PTPRD: variants seen among roughly 807,000 people sequenced by gnomAD.
PTPRD encodes the protein receptor-type tyrosine-protein phosphatase delta.
In PTPRD, 34 loss-of-function variants were observed where a neutral mutation model predicts 214.5. That is an observed-to-expected ratio of 0.16 (90% confidence interval 0.12 to 0.21). The LOEUF (loss-of-function observed/expected upper bound fraction) is 0.21. Among genes scored for constraint, PTPRD ranks in the 10% least tolerant of loss-of-function variants. PTPRD has a pLI of 1.00. For synonymous variants in PTPRD, 1,128 were observed against 845.7 expected (o/e 1.33, Z -5.79); for missense variants, 2,545 against 2,398.7 (o/e 1.06, Z -1.27).
chr9:8,525,524 A>G (rs1216032882), intron 17 of PTPRD, among the ~76,000 whole-genome samples: 1 of 152,198 alleles, frequency 6.6e-6, no homozygotes, highest in Non-Finnish European at 1.5e-5. Flanking sequence ...GGCTGCACAA[A>G]GCAAAAAATT....
intron 3 of PTPRD, among the ~76,000 whole-genome samples, chr9:10,331,826 A>C (rs1371517802): frequency 6.6e-6 from 1 of 151,886 alleles, no homozygotes; most frequent in Non-Finnish European, 1.5e-5. Flanking sequence ...ACTCATGATC[A>C]CTTTCAGTTG....
chr9:9,932,122 G>A (rs1196296398), intron 5 of PTPRD, among the ~76,000 whole-genome samples: 13 of 148,488 alleles, frequency 8.8e-5, no homozygotes, highest in Non-Finnish European at 1.8e-4. Flanking sequence ...CCACAAAGAT[G>A]GGGAAAAAAC....
At chr9:9,623,440 CT>C (rs2095315259) in intron 7 of PTPRD, among the ~76,000 whole-genome samples, 1 of 152,156 alleles carries the variant, frequency 6.6e-6, no homozygotes, top group South Asian at 2.1e-4. Flanking sequence ...AACAATGTGT[CT>C]TTTTCCAGTA....
chr9:8,783,103 T>A (rs1407106161), intron 11 of PTPRD, among the ~76,000 whole-genome samples: 1 of 152,116 alleles, frequency 6.6e-6, no homozygotes, highest in Non-Finnish European at 1.5e-5. Context: ...TTACAGCATA[T>A]CAACATGACC....
chr9:9,708,675 T>C (rs567128118), intron 7 of PTPRD, among the ~76,000 whole-genome samples: 1 of 152,010 alleles, frequency 6.6e-6, no homozygotes, highest in Non-Finnish European at 1.5e-5. Context: ...AAAAAAACTA[T>C]ATTAAATTTT....
chr9:9,926,375 A>G (rs1045228940), intron 5 of PTPRD, among the ~76,000 whole-genome samples: 1 of 152,124 alleles, frequency 6.6e-6, no homozygotes, highest in African/African-American at 2.4e-5. Flanking sequence ...TTTTAGTTGT[A>G]TTTGCCCAAA....
At chr9:9,599,318 A>G (rs945330880) in intron 7 of PTPRD, among the ~76,000 whole-genome samples, 9 of 152,072 alleles carry the variant, frequency 5.9e-5, no homozygotes, top group African/African-American at 2.2e-4. Flanking sequence ...CACACAATTT[A>G]CAGATGCCCA....
At chr9:8,786,199 A>G (rs2095955971) in intron 11 of PTPRD, among the ~76,000 whole-genome samples, 2 of 152,120 alleles carry the variant, frequency 1.3e-5, no homozygotes, top group South Asian at 4.2e-4. Context: ...TTAACGACTC[A>G]GAGATAATTG....
chr9:10,447,597 T>G (rs2098808757), intron 2 of PTPRD, among the ~76,000 whole-genome samples: 2 of 151,996 alleles, frequency 1.3e-5, no homozygotes, highest in African/African-American at 4.8e-5. Context: ...ATAATATAAC[T>G]AATCATACTA....
chr9:8,781,560 C>G (rs2095698803), intron 11 of PTPRD, among the ~76,000 whole-genome samples: 1 of 152,092 alleles, frequency 6.6e-6, no homozygotes, highest in Admixed American at 6.5e-5. Flanking sequence ...ATCCAAAGCA[C>G]TAAAATAAAG....
intron 2 of PTPRD, among the ~76,000 whole-genome samples, chr9:10,366,432 C>G (rs1237871623): frequency 6.6e-6 from 1 of 152,104 alleles, no homozygotes; most frequent in Admixed American, 6.6e-5. Flanking sequence ...TGGAGTTGCA[C>G]TAGATTGTTG....
At chr9:10,255,269 C>T (rs181107902) in intron 3 of PTPRD, among the ~76,000 whole-genome samples, 1 of 152,240 alleles carries the variant, frequency 6.6e-6, no homozygotes, top group African/African-American at 2.4e-5. Flanking sequence ...AGTGCTTTTA[C>T]ACAAACCTAG....
intron 4 of PTPRD, among the ~76,000 whole-genome samples, chr9:9,953,215 C>A (rs1587022436): frequency 6.6e-6 from 1 of 152,134 alleles, no homozygotes. Flanking sequence ...GATATTTCTG[C>A]AGCAGTAATC....
chr9:8,782,826 C>T (rs539015239), intron 11 of PTPRD, among the ~76,000 whole-genome samples: 1 of 152,050 alleles, frequency 6.6e-6, no homozygotes, highest in African/African-American at 2.4e-5. Context: ...GAACTCCTGA[C>T]CTCGTGATCT....
chr9:9,227,788 C>T (rs1594056348), intron 9 of PTPRD, among the ~76,000 whole-genome samples: 1 of 152,212 alleles, frequency 6.6e-6, no homozygotes, highest in Admixed American at 6.5e-5. Context: ...TGTGAATGAG[C>T]CATCTTGGAA....
chr9:10,341,941 G>A (rs2096948171), intron 2 of PTPRD, among the ~76,000 whole-genome samples: 1 of 151,954 alleles, frequency 6.6e-6, no homozygotes, highest in Admixed American at 6.6e-5. Flanking sequence ...ATCTTTCACA[G>A]TGGTTTCTAG....
At chr9:9,971,596 C>T (rs1449764197) in intron 4 of PTPRD, among the ~76,000 whole-genome samples, 2 of 152,056 alleles carry the variant, frequency 1.3e-5, no homozygotes, top group Non-Finnish European at 2.9e-5. Flanking sequence ...ATGTTGGATT[C>T]TGAAGAAAAT....
At chr9:8,839,007 A>C (rs574293650) in intron 11 of PTPRD, among the ~76,000 whole-genome samples, 1 of 152,288 alleles carries the variant, frequency 6.6e-6, no homozygotes, top group Non-Finnish European at 1.5e-5. Flanking sequence ...TAAATGTACC[A>C]AGACATTTTC....
At chr9:9,080,453 T>C (rs939774899) in intron 10 of PTPRD, among the ~76,000 whole-genome samples, 2 of 152,156 alleles carry the variant, frequency 1.3e-5, no homozygotes, top group African/African-American at 2.4e-5. Flanking sequence ...AGCACTTTAC[T>C]TGAATAGACC....
Sources: allele counts gnomAD v4.1 joint callset (sites outside exome capture counted in the v4.1 genomes callset), GRCh38; gene constraint gnomAD v4.1.1; transcripts MANE v1.5; gene names NCBI Gene and HGNC (gene_info 2026-07-23, HGNC 2026-07-21).